MCMBP: variants seen among roughly 807,000 people sequenced by gnomAD.
MCMBP encodes minichromosome maintenance complex binding protein, also known as mini-chromosome maintenance complex-binding protein.
In MCMBP, 31 loss-of-function variants were observed where a neutral mutation model predicts 81.3. The ratio of observed to expected loss-of-function variants is 0.38; its 90% CI spans 0.29 to 0.51. MCMBP has a LOEUF of 0.51. MCMBP is among the 20% of genes least tolerant of loss of function. MCMBP has a pLI of 0.87. For synonymous variants in MCMBP, 267 were observed against 275.9 expected (o/e 0.97, Z 0.32); for missense variants, 645 against 772.1 (o/e 0.84, Z 1.95).
In MCMBP at chr10:119,845,727, CT is replaced by C. The variant is rs1215215283; in HGVS notation, c.827+1885del. Among the ~76,000 whole-genome samples, 5 of 152,268 alleles carry C rather than the reference CT, an allele frequency of 3.3e-5. No individual in the cohort carries two copies. The East Asian group carries it at 5.8e-4, about 18-fold the overall frequency. On this transcript the variant is annotated intron_variant, in intron 8 of 15. Coordinates refer to ENST00000369077, the MANE Select transcript of MCMBP (RefSeq NM_001256378.2). ...AGCTGCATTCTAAAATAAAAATGAA[CT>C]GGAAATGTATTGAACTCTAATTACT...
Position 119,859,179 on chromosome 10 carries a change from T to C in MCMBP, c.147A>G (p.Val49=). ...GAAGGGGAACTTCGTTCAGTGATGG[T>C]ACCTTAAAGGAAAATAATCAAGTCA... is the stretch of plus-strand genomic sequence containing the variant. The part of the protein sequence containing the change: ...KLKENNAPKW[V]PSLNEVPLHY... The change falls in exon 3 of 16, where the codon GTA becomes GTG. Residue 49 remains valine (V), a splice_region_variant and synonymous_variant. Coordinates refer to ENST00000369077, the MANE Select transcript of MCMBP (RefSeq NM_001256378.2). 6.2e-7 allele frequency: 1 copy of C among 1,612,210 alleles called. No individual in the cohort carries two copies. The highest frequency in any genetic ancestry group is 1.1e-5 in the South Asian group (1 of 90,922).
chr10:119,859,926 T>C, intron 1 of MCMBP, 42 bp from the exon 2 acceptor site: 1 of 1,432,034 alleles, frequency 7.0e-7, no homozygotes, highest in Non-Finnish European at 9.7e-7. Flanking sequence ...GTACATGCAA[T>C]ATATAATAAA....
intron 1 of MCMBP, among the ~76,000 whole-genome samples, chr10:119,871,546 TAAGA>T (rs1853673352): frequency 6.6e-6 from 1 of 152,176 alleles, no homozygotes; most frequent in African/African-American, 2.4e-5. Flanking sequence ...GGCCCTCCTA[TAAGA>T]AATACCATAC....
chr10:119,857,954 T>C, intron 4 of MCMBP: 1 of 152,292 alleles, frequency 6.6e-6, no homozygotes, highest in Non-Finnish European at 1.5e-5. Flanking sequence ...CTGACAATTA[T>C]TTAGAGTAAT....
chr10:119,836,785 TTTTTTTTTTAC>T, intron 13 of MCMBP, 100 bp downstream of exon 13: 7 of 165,246 alleles, frequency 4.2e-5, no homozygotes, highest in South Asian at 7.7e-5. Flanking sequence ...TTTTTTTTTT[TTTTTTTTTTAC>T]AACAAATGTA....
intron 6 of MCMBP, among the ~76,000 whole-genome samples, chr10:119,852,548 C>A (rs1053445765): frequency 6.6e-6 from 1 of 152,126 alleles, no homozygotes; most frequent in Non-Finnish European, 1.5e-5. Flanking sequence ...TGGTGGCATG[C>A]GCCTATAGCC....
chr10:119,847,584 G>C, intron 8 of MCMBP, 29 bp downstream of exon 8: 1 of 1,352,650 alleles, frequency 7.4e-7, no homozygotes, highest in Non-Finnish European at 1.0e-6. Flanking sequence ...AAAAATAAAG[G>C]AGACCAAAAA....
intron 1 of MCMBP, among the ~76,000 whole-genome samples, chr10:119,867,292 CAAAAAAAAAAAAAAAA>C (rs372338008): frequency 2.1e-5 from 1 of 48,714 alleles, no homozygotes; most frequent in African/African-American, 8.9e-5. Flanking sequence ...GACTCCATCT[CAAAAAAAAAAAAAAAA>C]AAAAAAAAAA....
rs559111260 is a variant in MCMBP, at chr10:119,860,599, C to T, written c.59-715G>A. Reference sequence around the variant, plus strand: ...CTATCCCCTCTATAGCACTTTTTTCCGTTCAGTTACAGGACCCAGCTTAGG... The same window carrying T: ...CTATCCCCTCTATAGCACTTTTTTCTGTTCAGTTACAGGACCCAGCTTAGG... On this transcript the variant is annotated intron_variant, in intron 1 of 15. Coordinates refer to ENST00000369077, the MANE Select transcript of MCMBP (RefSeq NM_001256378.2). Among the ~76,000 whole-genome samples, 38 of 152,118 alleles carry T rather than the reference C, an allele frequency of 2.5e-4. 1 individual carries two copies. The South Asian group carries it at 5.2e-3, about 21-fold the overall frequency.
intron 13 of MCMBP, among the ~76,000 whole-genome samples, chr10:119,836,093 C>T (rs994604295): frequency 3.3e-5 from 5 of 152,214 alleles, no homozygotes; most frequent in African/African-American, 1.2e-4. Context: ...CTTGGCCTCC[C>T]AAAGTGCTAG....
At chr10:119,846,244 C>A (rs556101134) in intron 8 of MCMBP, among the ~76,000 whole-genome samples, 15 of 152,268 alleles carry the variant, frequency 9.9e-5, no homozygotes, top group African/African-American at 3.6e-4. Flanking sequence ...CTAGCCAAAT[C>A]TGGGAAAATT....
At chr10:119,866,833 G>A (rs984970712) in intron 1 of MCMBP, among the ~76,000 whole-genome samples, 2 of 151,932 alleles carry the variant, frequency 1.3e-5, no homozygotes, top group African/African-American at 4.8e-5. Context: ...TGTGGTGGCA[G>A]GCGCCTGTAG....
chr10:119,838,338 T>G (rs1852323055), intron 12 of MCMBP, among the ~76,000 whole-genome samples, 197 bp downstream of exon 12: 2 of 150,796 alleles, frequency 1.3e-5, no homozygotes, highest in African/African-American at 2.4e-5. Context: ...TGTACTACTT[T>G]CAGAATACTA....
chr10:119,837,237 C>T (rs1385324216), intron 12 of MCMBP, among the ~76,000 whole-genome samples: 2 of 151,996 alleles, frequency 1.3e-5, no homozygotes, highest in East Asian at 3.9e-4. Context: ...CAGGCGATAC[C>T]CCCGCAAATC....
At chr10:119,856,168 G>A (rs557608962) in intron 5 of MCMBP, among the ~76,000 whole-genome samples, 22 of 152,306 alleles carry the variant, frequency 1.4e-4, no homozygotes, top group African/African-American at 5.3e-4. Context: ...GTTGCAGTGA[G>A]CCAAGATCAC....
At chr10:119,846,464 A>G (rs931647890) in intron 8 of MCMBP, among the ~76,000 whole-genome samples, 1 of 152,214 alleles carries the variant, frequency 6.6e-6, no homozygotes, top group Non-Finnish European at 1.5e-5. Flanking sequence ...TGCTAAAATA[A>G]ATTGGTGAAA....
chr10:119,859,965 G>T, intron 1 of MCMBP, 81 bp from the exon 2 acceptor site: 1 of 1,046,030 alleles, frequency 9.6e-7, no homozygotes, highest in Non-Finnish European at 1.4e-6. Context: ...TCACACAATA[G>T]TTTAGTCAGC....
At chr10:119,862,867 T>C (rs1853312030) in intron 1 of MCMBP, among the ~76,000 whole-genome samples, 1 of 152,252 alleles carries the variant, frequency 6.6e-6, no homozygotes, top group African/African-American at 2.4e-5. Context: ...TAATATGCAA[T>C]ATCATGGCTT....
At position 119,858,999 on chromosome 10, in the gene MCMBP, A is replaced by G. The variant is rs761186050; in HGVS notation, c.285+42T>C. 2.5e-6 allele frequency: 4 copies of G among 1,611,590 alleles called. No homozygotes were observed. The South Asian group carries it at 3.3e-5, about 13-fold the overall frequency. On this transcript the variant is annotated intron_variant, in intron 3 of 15. Transcript: ENST00000369077. Reference sequence around the variant, plus strand: ...CAAAACTACCACCAACAGTAAAAGGACAAAATTAATACCACAAATTCATGA... The same window carrying G: ...CAAAACTACCACCAACAGTAAAAGGGCAAAATTAATACCACAAATTCATGA...
Sources: allele counts gnomAD v4.1 joint callset (sites outside exome capture counted in the v4.1 genomes callset), GRCh38; gene constraint gnomAD v4.1.1; transcripts MANE v1.5; gene names NCBI Gene and HGNC (gene_info 2026-07-23, HGNC 2026-07-21).